HS2ST1: variants seen among roughly 807,000 people sequenced by gnomAD.
HS2ST1 encodes the protein 2-O-sulfotransferase.
In HS2ST1, 18 loss-of-function variants were observed where a neutral mutation model predicts 42.9. That is an observed-to-expected ratio of 0.42 (90% CI 0.29 to 0.62). The LOEUF is 0.62. HS2ST1 is among the 20% of genes least tolerant of loss of function. The probability of loss-of-function intolerance (pLI) is 0.21; values close to 1 mark genes in which losing one functional copy is unlikely to be tolerated. For synonymous variants in HS2ST1, 146 were observed against 152.9 expected (o/e 0.95, Z 0.33); for missense variants, 334 against 433.8 (o/e 0.77, Z 2.04).
At chr1:86,998,691 G>T (rs759776284) in intron 1 of HS2ST1, among the ~76,000 whole-genome samples, 2 of 152,028 alleles carry the variant, frequency 1.3e-5, no homozygotes, top group Non-Finnish European at 2.9e-5. Flanking sequence ...CTTTAAATCA[G>T]AATTTATCTT....
intron 1 of HS2ST1, among the ~76,000 whole-genome samples, chr1:86,920,344 CAAGT>C (rs984948360): frequency 6.6e-6 from 1 of 152,196 alleles, no homozygotes; most frequent in African/African-American, 2.4e-5. Context: ...GTAGTTTTTA[CAAGT>C]AAGTTCCTGA....
Position 87,106,418 on chromosome 1 carries a change from A to G in HS2ST1, c.*1722A>G, listed in dbSNP as rs1320970622. 6.6e-6 allele frequency: 1 copy of G among 152,088 alleles called. No homozygotes were observed. The highest frequency in any genetic ancestry group is 1.5e-5 in the Non-Finnish European group (1 of 67,936). The allele number at this position is 152,088 out of a possible 1,614,324, so 9.4% of individuals were successfully genotyped here. A position where few individuals can be genotyped will look rare whatever the true frequency, so the allele number is the denominator to read the frequency against. The stretch of plus-strand genomic sequence containing the variant: ...GTTTCTGTTTTCATTTTACATTATT[A>G]TTCAGAAATGGTAGCTATTCTATAC... On this transcript the variant is annotated 3_prime_UTR_variant, in exon 7 of 7. Coordinates refer to ENST00000370550, the MANE Select transcript of HS2ST1 (RefSeq NM_012262.4).
intron 1 of HS2ST1, among the ~76,000 whole-genome samples, chr1:87,010,364 G>A (rs929189725): frequency 1.3e-5 from 2 of 151,626 alleles, no homozygotes; most frequent in African/African-American, 4.9e-5. Flanking sequence ...ATTATAGAAT[G>A]TAATTAGGAA....
chr1:87,069,512 G>C (rs10873819), intron 1 of HS2ST1, among the ~76,000 whole-genome samples: 105,984 of 152,128 alleles, frequency 0.7, 39,196 homozygotes, highest in East Asian at 0.97. Context: ...TTGATTTTAA[G>C]TATTGCCACA....
chr1:86,920,162 A>G (rs1292086585), intron 1 of HS2ST1, among the ~76,000 whole-genome samples: 2 of 152,206 alleles, frequency 1.3e-5, no homozygotes, highest in African/African-American at 2.4e-5. Flanking sequence ...TTACATCTCT[A>G]TATGGATTTA....
At chr1:86,990,812 T>TTATATATATATATATATA (rs57401994) in intron 1 of HS2ST1, among the ~76,000 whole-genome samples, 2 of 10,258 alleles carry the variant, frequency 1.9e-4, no homozygotes, top group African/African-American at 2.9e-4. Context: ...CTGGCTAATT[T>TTATATATATATATATATA]TATATATATA....
In HS2ST1 at chr1:86,948,859, T is replaced by C. The variant is rs547674059; in HGVS notation, c.124+33699T>C. Reference sequence around the variant, plus strand: ...TGTACTTTGTTCAAGAGAGCTCTGCTATAATTAATTACAAGGGTGATTTCA... The same window carrying C: ...TGTACTTTGTTCAAGAGAGCTCTGCCATAATTAATTACAAGGGTGATTTCA... On this transcript the variant is annotated intron_variant, in intron 1 of 6. Transcript: ENST00000370550. Among the ~76,000 whole-genome samples the C allele has an allele frequency of 3.9e-5, 6 of 152,332 alleles. No individual in the cohort carries two copies. In the South Asian group the frequency reaches 8.3e-4, roughly 21 times the overall value.
At chr1:86,990,979 C>T (rs1195667477) in intron 1 of HS2ST1, among the ~76,000 whole-genome samples, 1 of 150,340 alleles carries the variant, frequency 6.7e-6, no homozygotes, top group Admixed American at 6.7e-5. Context: ...CAGCTGGACC[C>T]TGTCCAGTTT....
intron 1 of HS2ST1, among the ~76,000 whole-genome samples, chr1:87,005,466 G>C (rs1649412677): frequency 6.6e-6 from 1 of 152,010 alleles, no homozygotes; most frequent in Non-Finnish European, 1.5e-5. Flanking sequence ...TACAATAAAA[G>C]ACAAAATTGA....
At chr1:87,058,351 A>G (rs1276668627) in intron 1 of HS2ST1, among the ~76,000 whole-genome samples, 7 of 151,798 alleles carry the variant, frequency 4.6e-5, no homozygotes, top group Non-Finnish European at 1.0e-4. Flanking sequence ...AATGCTACAA[A>G]AAGGATTCTG....
chr1:86,987,362 C>G (rs1433876997), intron 1 of HS2ST1, among the ~76,000 whole-genome samples: 4 of 152,058 alleles, frequency 2.6e-5, no homozygotes, highest in Non-Finnish European at 2.9e-5. Flanking sequence ...GTGTGAGCCA[C>G]CATGCCTGGC....
At chr1:86,992,540 A>G (rs1183649845) in intron 1 of HS2ST1, among the ~76,000 whole-genome samples, 2 of 151,484 alleles carry the variant, frequency 1.3e-5, no homozygotes, top group Non-Finnish European at 2.9e-5. Context: ...CTAATTTTGT[A>G]TTTTAGAGAC....
At chr1:86,946,006 G>A (rs1647321157) in intron 1 of HS2ST1, among the ~76,000 whole-genome samples, 1 of 152,108 alleles carries the variant, frequency 6.6e-6, no homozygotes, top group Non-Finnish European at 1.5e-5. Flanking sequence ...GGTTTTCATC[G>A]CTCTTTCTAA....
chr1:87,017,481 C>T (rs1256423379), intron 1 of HS2ST1, among the ~76,000 whole-genome samples: 1 of 152,052 alleles, frequency 6.6e-6, no homozygotes, highest in Admixed American at 6.6e-5. Context: ...TATCATATGC[C>T]ATAGTCTAGC....
intron 1 of HS2ST1, among the ~76,000 whole-genome samples, chr1:86,981,155 G>A (rs1648578193): frequency 6.6e-6 from 1 of 152,092 alleles, no homozygotes; most frequent in African/African-American, 2.4e-5. Flanking sequence ...TCACTATCAC[G>A]AGAACAGCAT....
chr1:86,959,153 A>G (rs935500926), intron 1 of HS2ST1, among the ~76,000 whole-genome samples: 1 of 152,210 alleles, frequency 6.6e-6, no homozygotes, highest in Non-Finnish European at 1.5e-5. Flanking sequence ...GAGAACATAG[A>G]TCCTTTTCTA....
At chr1:86,988,542 T>C (rs1648856128) in intron 1 of HS2ST1, among the ~76,000 whole-genome samples, 1 of 152,348 alleles carries the variant, frequency 6.6e-6, no homozygotes, top group Non-Finnish European at 1.5e-5. Context: ...AAAAGTGTAA[T>C]GTTGGTTCGA....
intron 1 of HS2ST1, among the ~76,000 whole-genome samples, chr1:87,033,923 C>T (rs1650304374): frequency 6.6e-6 from 1 of 152,114 alleles, no homozygotes. Flanking sequence ...TAACAGTATA[C>T]CACCACAGTG....
At chr1:86,944,092 T>C (rs1170539388) in intron 1 of HS2ST1, among the ~76,000 whole-genome samples, 1 of 152,086 alleles carries the variant, frequency 6.6e-6, no homozygotes, top group Non-Finnish European at 1.5e-5. Context: ...TCATGGTGGG[T>C]AGGGGGTGAT....
Sources: allele counts gnomAD v4.1 joint callset (sites outside exome capture counted in the v4.1 genomes callset), GRCh38; gene constraint gnomAD v4.1.1; transcripts MANE v1.5; gene names NCBI Gene and HGNC (gene_info 2026-07-23, HGNC 2026-07-21).